Variants in ITPR1 observed in about 807,000 individuals in gnomAD.
The protein encoded by ITPR1 is inositol 1,4,5-trisphosphate-gated calcium channel ITPR1.
ITPR1 carries 96 observed loss-of-function variants against 318.4 expected under a neutral mutation model. The observed-to-expected ratio is 0.30, with a 90% CI of 0.26 to 0.36. The LOEUF is 0.36. ITPR1 is among the 10% of genes least tolerant of loss of function. The probability of loss-of-function intolerance (pLI) is 1.00; values close to 1 mark genes in which losing one functional copy is unlikely to be tolerated. For missense variants in ITPR1, 2,440 were observed against 3,460.2 expected (o/e 0.71, Z 7.40); for synonymous variants, 1,312 against 1,289.9 (o/e 1.02, Z -0.37).
chr3:4,625,940 AT>A (rs1179260050), intron 4 of ITPR1, among the ~76,000 whole-genome samples: 2 of 152,308 alleles, frequency 1.3e-5, no homozygotes, highest in East Asian at 3.9e-4. Context: ...GGGAGTGTCA[AT>A]TTTAAATATT....
intron 52 of ITPR1, among the ~76,000 whole-genome samples, chr3:4,788,891 T>C (rs183300116): frequency 6.6e-6 from 1 of 152,274 alleles, no homozygotes; most frequent in Admixed American, 6.5e-5. Context: ...AGTTGTGACG[T>C]GTTGAGCTCT....
chr3:4,816,188 C>T (rs2049290328), intron 59 of ITPR1: 1 of 152,196 alleles, frequency 6.6e-6, no homozygotes. Context: ...TCAAATTTCA[C>T]CCTTCATTCC....
chr3:4,639,521 C>T, intron 6 of ITPR1, 51 bp downstream of exon 6: 1 of 1,336,852 alleles, frequency 7.5e-7, no homozygotes, highest in Admixed American at 2.0e-5. Flanking sequence ...ACAAAGAATG[C>T]AGCTGAGGAA....
chr3:4,814,674 G>A (rs1250565918), intron 58 of ITPR1, 112 bp downstream of exon 58: 1 of 928,320 alleles, frequency 1.1e-6, no homozygotes, highest in African/African-American at 1.7e-5. Flanking sequence ...AGAGCTGGGA[G>A]TAGGGCTGAG....
intron 4 of ITPR1, among the ~76,000 whole-genome samples, chr3:4,584,251 C>T (rs7429093): frequency 1.3e-5 from 2 of 152,250 alleles, no homozygotes; most frequent in South Asian, 4.1e-4. Context: ...TCACCCCCTT[C>T]TTGTCCCCCA....
chr3:4,550,797 T>TCAAGCC (rs775001101), intron 4 of ITPR1, among the ~76,000 whole-genome samples: 4 of 151,796 alleles, frequency 2.6e-5, no homozygotes, highest in African/African-American at 4.8e-5. Flanking sequence ...GGAGGCTCAT[T>TCAAGCC]CAAGCCCAAG....
At chr3:4,539,226 A>G (rs780113101) in intron 4 of ITPR1, among the ~76,000 whole-genome samples, 36 of 152,016 alleles carry the variant, frequency 2.4e-4, no homozygotes, top group Admixed American at 2.0e-3. Flanking sequence ...ATTTTAAGGG[A>G]TGTTTCTAGT....
chr3:4,648,865 A>AT (rs777512556), intron 10 of ITPR1, among the ~76,000 whole-genome samples: 2 of 152,216 alleles, frequency 1.3e-5, no homozygotes, highest in African/African-American at 4.8e-5. Context: ...CTAAATTTGC[A>AT]TTGACTGTGC....
chr3:4,714,145 C>T (rs1040511131), intron 39 of ITPR1, among the ~76,000 whole-genome samples: 11 of 152,152 alleles, frequency 7.2e-5, no homozygotes, highest in African/African-American at 2.4e-4. Flanking sequence ...TTACTGGCTG[C>T]CCCGTTTGAC....
intron 57 of ITPR1, among the ~76,000 whole-genome samples, chr3:4,813,669 C>T (rs1246987539): frequency 3.3e-5 from 5 of 152,056 alleles, no homozygotes; most frequent in Non-Finnish European, 7.4e-5. Context: ...GGGAATAGTA[C>T]ATCTAAAGGC....
At chr3:4,609,801 G>T (rs1346696806) in intron 4 of ITPR1, among the ~76,000 whole-genome samples, 1 of 152,194 alleles carries the variant, frequency 6.6e-6, no homozygotes, top group Non-Finnish European at 1.5e-5. Flanking sequence ...ACAACATAGA[G>T]GAATAGAACA....
At chr3:4,809,257 G>A (rs1022776826) in intron 55 of ITPR1, among the ~76,000 whole-genome samples, 3 of 152,080 alleles carry the variant, frequency 2.0e-5, no homozygotes, top group Non-Finnish European at 4.4e-5. Context: ...AAAATTCGCC[G>A]AAAAGGAATA....
At chr3:4,555,565 C>G (rs970638876) in intron 4 of ITPR1, among the ~76,000 whole-genome samples, 1 of 152,054 alleles carries the variant, frequency 6.6e-6, no homozygotes, top group Non-Finnish European at 1.5e-5. Flanking sequence ...TGGAATATTA[C>G]TCAGTGCTAA....
chr3:4,539,391 A>G (rs573295204), intron 4 of ITPR1, among the ~76,000 whole-genome samples: 9 of 152,252 alleles, frequency 5.9e-5, no homozygotes, highest in African/African-American at 2.2e-4. Context: ...GAATATATAT[A>G]TATTTCCAAT....
At chr3:4,539,848 C>T (rs1683685665) in intron 4 of ITPR1, among the ~76,000 whole-genome samples, 1 of 152,116 alleles carries the variant, frequency 6.6e-6, no homozygotes, top group African/African-American at 2.4e-5. Context: ...TCCTTACCAG[C>T]AAGAGGGCTG....
chr3:4,517,355 C>T lies in ITPR1; in HGVS notation c.92+772C>T, dbSNP rs147306500. On this transcript the variant is annotated intron_variant, in intron 3 of 61. Coordinates refer to ENST00000649015, the MANE Select transcript of ITPR1 (RefSeq NM_001378452.1). Reference sequence around the variant, plus strand: ...AGAAAGGAGTAGTGAGGCCCCGGGGCGGCATTGTTGAATTTGGCAAGAGCT... The same window carrying T: ...AGAAAGGAGTAGTGAGGCCCCGGGGTGGCATTGTTGAATTTGGCAAGAGCT... Among the ~76,000 whole-genome samples the T allele has an allele frequency of 8.3e-3, 1,259 of 152,072 alleles. 9 individuals carry two copies. Among genetic ancestry groups the T allele is most frequent in the Middle Eastern group, 0.031 (9 of 294 alleles).
chr3:4,662,734 A>C (rs180793924), intron 15 of ITPR1, among the ~76,000 whole-genome samples: 1 of 152,250 alleles, frequency 6.6e-6, no homozygotes, highest in African/African-American at 2.4e-5. Flanking sequence ...AAATAATAAT[A>C]ATAATCAAGT....
intron 4 of ITPR1, among the ~76,000 whole-genome samples, chr3:4,616,618 A>G (rs1221299982): frequency 1.3e-5 from 2 of 152,182 alleles, no homozygotes; most frequent in African/African-American, 2.4e-5. Flanking sequence ...TTTTAAAACA[A>G]TGGTAGCTCG....
At chr3:4,684,002 C>A (rs536172821) in intron 28 of ITPR1, among the ~76,000 whole-genome samples, 1 of 152,126 alleles carries the variant, frequency 6.6e-6, no homozygotes, top group Non-Finnish European at 1.5e-5. Flanking sequence ...AGCCTTGGAC[C>A]ATGTAGAAGA....
Sources: allele counts gnomAD v4.1 joint callset (sites outside exome capture counted in the v4.1 genomes callset), GRCh38; gene constraint gnomAD v4.1.1; transcripts MANE v1.5; gene names NCBI Gene and HGNC (gene_info 2026-07-23, HGNC 2026-07-21).